SNTG1: variants seen among roughly 807,000 people sequenced by gnomAD.
SNTG1 encodes syntrophin gamma 1, also known as gamma-1-syntrophin.
SNTG1 carries 39 observed loss-of-function variants against 74.7 expected under a neutral mutation model. The ratio of observed to expected loss-of-function variants is 0.52; its 90% confidence interval spans 0.40 to 0.68. SNTG1 has a LOEUF of 0.68. SNTG1 is among the 30% of genes least tolerant of loss of function. SNTG1 has a pLI of 0.00. For synonymous variants in SNTG1, 254 were observed against 217.1 expected, an observed-to-expected ratio of 1.17 and a Z score of -1.49; for missense variants, 685 against 609.5, an observed-to-expected ratio of 1.12 and a Z score of -1.30.
chr8:50,744,518 G>C (rs780609895), intron 17 of SNTG1, among the ~76,000 whole-genome samples: 5 of 151,916 alleles, frequency 3.3e-5, no homozygotes, highest in African/African-American at 4.8e-5. Context: ...TCATCAAAAT[G>C]TCACTGATAT....
At chr8:50,134,341 C>T (rs2081404970) in intron 1 of SNTG1, among the ~76,000 whole-genome samples, 1 of 152,074 alleles carries the variant, frequency 6.6e-6, no homozygotes, top group Non-Finnish European at 1.5e-5. Context: ...ATCGCCAATG[C>T]CTATGAAAAG....
intron 2 of SNTG1, among the ~76,000 whole-genome samples, chr8:50,381,742 A>T (rs2131232832): frequency 7.1e-6 from 1 of 140,564 alleles, no homozygotes; most frequent in African/African-American, 2.6e-5. Flanking sequence ...TTAGTTATAT[A>T]TATATAGGAT....
intron 2 of SNTG1, among the ~76,000 whole-genome samples, chr8:50,191,855 C>T (rs1446822093): frequency 6.6e-6 from 1 of 152,008 alleles, no homozygotes; most frequent in Non-Finnish European, 1.5e-5. Context: ...AGTATATTGT[C>T]TCAGTTAGCC....
intron 15 of SNTG1, among the ~76,000 whole-genome samples, chr8:50,690,069 G>A (rs964914389): frequency 3.9e-5 from 6 of 152,180 alleles, no homozygotes; most frequent in African/African-American, 9.7e-5. Context: ...ATGGTAGTTT[G>A]TATTTCTGTG....
At chr8:50,566,950 A>G (rs745325741) in intron 12 of SNTG1, among the ~76,000 whole-genome samples, 4 of 151,942 alleles carry the variant, frequency 2.6e-5, no homozygotes, top group Non-Finnish European at 4.4e-5. Context: ...AACATTTGCA[A>G]TTTTTCTTCT....
At chr8:50,584,956 A>G (rs1178227362) in intron 12 of SNTG1, among the ~76,000 whole-genome samples, 2 of 152,108 alleles carry the variant, frequency 1.3e-5, no homozygotes, top group African/African-American at 4.8e-5. Context: ...GTGCTTGGAA[A>G]GGAAAGTGCT....
chr8:50,530,310 T>A (rs773249665), intron 10 of SNTG1, 51 bp downstream of exon 10: 1 of 1,521,276 alleles, frequency 6.6e-7, no homozygotes, highest in Non-Finnish European at 9.1e-7. Flanking sequence ...ACACATAGCT[T>A]ATAAAAACTG....
intron 1 of SNTG1, among the ~76,000 whole-genome samples, chr8:49,920,039 TC>T (rs1210287227): frequency 1.3e-5 from 2 of 152,088 alleles, no homozygotes; most frequent in Non-Finnish European, 2.9e-5. Flanking sequence ...TTCAAACACA[TC>T]TTTTTCTCAA....
intron 1 of SNTG1, among the ~76,000 whole-genome samples, chr8:50,054,896 C>T (rs1288585815): frequency 6.6e-6 from 1 of 152,112 alleles, no homozygotes; most frequent in African/African-American, 2.4e-5. Context: ...AGGCTAGTCT[C>T]AAACTGCTGG....
intron 1 of SNTG1, among the ~76,000 whole-genome samples, chr8:49,947,300 CA>C (rs538234483): frequency 2.0e-5 from 3 of 150,186 alleles, no homozygotes; most frequent in South Asian, 2.1e-4. Flanking sequence ...AACTCCGTCT[CA>C]AAAAAAAAGA....
At chr8:50,212,936 T>C (rs1468963098) in intron 2 of SNTG1, among the ~76,000 whole-genome samples, 2 of 152,274 alleles carry the variant, frequency 1.3e-5, no homozygotes, top group East Asian at 1.9e-4. Context: ...CCCAGAGCAA[T>C]TGAGACCTGC....
intron 2 of SNTG1, among the ~76,000 whole-genome samples, chr8:50,205,596 C>T (rs1243425991): frequency 6.6e-6 from 1 of 152,098 alleles, no homozygotes; most frequent in Non-Finnish European, 1.5e-5. Context: ...TCCATTTTGG[C>T]TTTTGTTGCA....
chr8:50,781,778 T>G (rs186951672), intron 18 of SNTG1, among the ~76,000 whole-genome samples: 11 of 152,338 alleles, frequency 7.2e-5, no homozygotes, highest in East Asian at 5.8e-4. Context: ...GCGCGTTCGT[T>G]GATGCAGTTT....
chr8:50,612,949 G>A (rs1182354403), intron 13 of SNTG1, among the ~76,000 whole-genome samples: 4 of 151,946 alleles, frequency 2.6e-5, no homozygotes, highest in East Asian at 1.9e-4. Flanking sequence ...TAAAGAAATC[G>A]GTAATAAGAT....
chr8:50,418,162 T>C (rs1245024567), intron 4 of SNTG1, among the ~76,000 whole-genome samples: 1 of 152,164 alleles, frequency 6.6e-6, no homozygotes, highest in Non-Finnish European at 1.5e-5. Flanking sequence ...AGTGATTGTT[T>C]CTTTGCCATC....
At chr8:50,150,152 G>A (rs1248537743) in intron 1 of SNTG1, among the ~76,000 whole-genome samples, 3 of 152,080 alleles carry the variant, frequency 2.0e-5, no homozygotes, top group Non-Finnish European at 4.4e-5. Flanking sequence ...TCTCTTTGAA[G>A]CAATTGTGAA....
intron 1 of SNTG1, among the ~76,000 whole-genome samples, chr8:49,913,424 C>A (rs1049220123): frequency 3.9e-5 from 6 of 152,130 alleles, no homozygotes; most frequent in African/African-American, 1.4e-4. Flanking sequence ...CATTGGAGGC[C>A]GTTACAGTGG....
At chr8:50,540,240 T>G (rs2094336747) in intron 11 of SNTG1, among the ~76,000 whole-genome samples, 1 of 152,224 alleles carries the variant, frequency 6.6e-6, no homozygotes, top group Non-Finnish European at 1.5e-5. Context: ...TGATAATGTT[T>G]TATTTTTTGT....
chr8:50,682,302 A>G (rs558004303), intron 15 of SNTG1, among the ~76,000 whole-genome samples: 1 of 152,016 alleles, frequency 6.6e-6, no homozygotes, highest in East Asian at 1.9e-4. Flanking sequence ...TTTTAAAGAG[A>G]GCAGGGATAC....
Sources: gnomAD v4.1 joint callset for allele counts (sites outside exome capture counted in the v4.1 genomes callset) on GRCh38, gnomAD v4.1.1 for gene constraint, MANE v1.5 for transcripts, NCBI Gene and HGNC (gene_info 2026-07-23, HGNC 2026-07-21) for gene names.